SGCZ: variants seen among roughly 807,000 people sequenced by gnomAD.
SGCZ encodes the protein sarcoglycan zeta, also known as zeta-sarcoglycan.
SGCZ carries 40 observed loss-of-function variants against 41.3 expected under a neutral mutation model. The observed-to-expected ratio is 0.97, with a 90% CI of 0.75 to 1.26. The LOEUF (loss-of-function observed/expected upper bound fraction) is 1.26, where lower values mean the gene tolerates loss of function less well. SGCZ is among the 50% of genes most tolerant of loss of function. The probability of loss-of-function intolerance (pLI) is 0.00; values close to 1 mark genes in which losing one functional copy is unlikely to be tolerated. For missense variants in SGCZ, 552 were observed against 369.8 expected, an observed-to-expected ratio of 1.49 and a Z score of -4.04; for synonymous variants, 206 against 137.5, an observed-to-expected ratio of 1.50 and a Z score of -3.49.
rs568934552 is a variant in SGCZ at position 15,191,900 on chromosome 8, G to C, written c.39+45685C>G. Among the ~76,000 whole-genome samples, 54 of 152,070 alleles carry C rather than the reference G, an allele frequency of 3.6e-4. 1 individual carries two copies. The highest frequency in any genetic ancestry group is 3.4e-3 in the Middle Eastern group (1 of 294). On this transcript the variant is annotated intron_variant, in intron 1 of 7. Coordinates refer to ENST00000382080, the MANE Select transcript of SGCZ (RefSeq NM_139167.4). ...TAAACTTTTATCTACCCACGCTTAA[G>C]GGCTCAGATTGCTGGATTTGAGATT...
chr8:14,108,433 T>G (rs1385464886), intron 5 of SGCZ, among the ~76,000 whole-genome samples, 198 bp from the exon 6 acceptor site: 1 of 152,150 alleles, frequency 6.6e-6, no homozygotes, highest in Non-Finnish European at 1.5e-5. Context: ...GCACTTACAG[T>G]TCCACATGGC....
At chr8:14,347,781 A>G (rs1287988617) in intron 2 of SGCZ, among the ~76,000 whole-genome samples, 1 of 152,084 alleles carries the variant, frequency 6.6e-6, no homozygotes, top group South Asian at 2.1e-4. Flanking sequence ...TGAGATTTCT[A>G]TTTACACTGT....
intron 1 of SGCZ, among the ~76,000 whole-genome samples, chr8:15,149,029 T>C (rs994989803): frequency 2.0e-5 from 3 of 152,158 alleles, no homozygotes. Context: ...CTACACAGAA[T>C]TGATTTTCCT....
At chr8:14,894,480 C>A (rs1805123345) in intron 1 of SGCZ, among the ~76,000 whole-genome samples, 1 of 152,154 alleles carries the variant, frequency 6.6e-6, no homozygotes, top group Non-Finnish European at 1.5e-5. Context: ...TCGCTCTAGA[C>A]AGAAATGGAC....
intron 1 of SGCZ, among the ~76,000 whole-genome samples, chr8:14,958,396 T>C (rs952888204): frequency 4.6e-5 from 7 of 152,082 alleles, no homozygotes; most frequent in Non-Finnish European, 8.8e-5. Flanking sequence ...GGAATATTTA[T>C]ACTTAGCAAG....
intron 1 of SGCZ, among the ~76,000 whole-genome samples, chr8:14,743,355 GACT>G (rs1374648323): frequency 6.6e-6 from 1 of 151,860 alleles, no homozygotes; most frequent in Non-Finnish European, 1.5e-5. Flanking sequence ...TATTGCTTAA[GACT>G]GCTCATAAGT....
intron 2 of SGCZ, among the ~76,000 whole-genome samples, chr8:14,379,775 A>C (rs1804290132): frequency 6.6e-6 from 1 of 152,122 alleles, no homozygotes; most frequent in Non-Finnish European, 1.5e-5. Context: ...TCTGCTGCCC[A>C]GGCTGGAGTA....
intron 4 of SGCZ, among the ~76,000 whole-genome samples, chr8:14,195,881 C>A (rs77800113): frequency 0.046 from 6,929 of 152,104 alleles, 277 homozygotes; most frequent in African/African-American, 0.11. Flanking sequence ...TCTCTAGCAA[C>A]CTGCACTATC....
chr8:15,107,720 A>G (rs2131093463), intron 1 of SGCZ, among the ~76,000 whole-genome samples: 1 of 152,252 alleles, frequency 6.6e-6, no homozygotes, highest in South Asian at 2.1e-4. Context: ...CACAAAACGG[A>G]TTAAGACAAG....
Position 14,365,991 on chromosome 8 carries a change from A to T in SGCZ, c.235-41787T>A, listed in dbSNP as rs565620711. ...ATTTCTGTCTTTGTTATTTTTCTCT[A>T]TTTCTGATTTTCTTTCTACATTTTT... On this transcript the variant is annotated intron_variant, in intron 2 of 7. Transcript: ENST00000382080. 2.0e-5 allele frequency among the ~76,000 whole-genome samples: 3 copies of T among 152,056 alleles called. No homozygotes were observed. The East Asian group carries it at 5.8e-4, about 29-fold the overall frequency.
At chr8:14,934,194 A>C (rs1800013087) in intron 1 of SGCZ, among the ~76,000 whole-genome samples, 1 of 152,022 alleles carries the variant, frequency 6.6e-6, no homozygotes, top group Non-Finnish European at 1.5e-5. Flanking sequence ...TCATAATCAG[A>C]AGTCACCAAA....
At chr8:15,032,179 T>TCACA (rs1307646601) in intron 1 of SGCZ, among the ~76,000 whole-genome samples, 1 of 151,982 alleles carries the variant, frequency 6.6e-6, no homozygotes, top group African/African-American at 2.4e-5. Context: ...ATTCAAGCGC[T>TCACA]CACACCCCAC....
chr8:14,357,754 C>G lies in SGCZ; in HGVS notation c.235-33550G>C, dbSNP rs561152073. ...GGGTAACATTATGATCTCTAATTTG[C>G]AGCTGAGAAAATTGAGGCTAAGGGA... On this transcript the variant is annotated intron_variant, in intron 2 of 7. Transcript: ENST00000382080. Among the ~76,000 whole-genome samples the G allele has an allele frequency of 6.6e-5, 10 of 152,242 alleles. No homozygotes were observed. The East Asian group carries it at 1.7e-3, about 26-fold the overall frequency.
chr8:14,893,451 T>A (rs184525348), intron 1 of SGCZ, among the ~76,000 whole-genome samples: 133 of 152,290 alleles, frequency 8.7e-4, no homozygotes, highest in East Asian at 1.2e-3. Context: ...TTTGTGGTAA[T>A]TTTTTACAAC....
At chr8:14,711,985 C>A (rs900844257) in intron 1 of SGCZ, among the ~76,000 whole-genome samples, 12 of 152,046 alleles carry the variant, frequency 7.9e-5, no homozygotes, top group Admixed American at 1.3e-4. Context: ...AAAGCTTAAC[C>A]AGGCCAGGCG....
At chr8:14,540,533 G>C (rs991983449) in intron 2 of SGCZ, among the ~76,000 whole-genome samples, 7 of 149,966 alleles carry the variant, frequency 4.7e-5, no homozygotes, top group African/African-American at 1.7e-4. Flanking sequence ...AGATTTTGGG[G>C]GTTGTTTCAA....
chr8:14,445,567 T>G (rs1212413320), intron 2 of SGCZ, among the ~76,000 whole-genome samples: 1 of 152,102 alleles, frequency 6.6e-6, no homozygotes. Context: ...CCCTCTCCAC[T>G]GAAAACCATT....
chr8:15,113,159 T>C (rs1173997446), intron 1 of SGCZ, among the ~76,000 whole-genome samples: 6 of 145,514 alleles, frequency 4.1e-5, no homozygotes, highest in African/African-American at 1.6e-4. Context: ...CAGTGAGCCA[T>C]AATCACGCCA....
chr8:14,656,838 G>T (rs897066149), intron 1 of SGCZ, among the ~76,000 whole-genome samples: 2 of 151,972 alleles, frequency 1.3e-5, no homozygotes, highest in South Asian at 4.1e-4. Context: ...AATCAGCAAA[G>T]AAATATGACT....
Sources: gnomAD v4.1 joint callset for allele counts (sites outside exome capture counted in the v4.1 genomes callset) on GRCh38, gnomAD v4.1.1 for gene constraint, MANE v1.5 for transcripts, NCBI Gene and HGNC (gene_info 2026-07-23, HGNC 2026-07-21) for gene names.